RAB21: variants seen among roughly 807,000 people sequenced by gnomAD.
The protein encoded by RAB21 is RAB21, member RAS oncogene family.
A neutral mutation model predicts 33.1 loss-of-function variants in RAB21; 13 were observed. The ratio of observed to expected loss-of-function variants is 0.39; its 90% CI spans 0.26 to 0.62. The LOEUF is 0.62. Ranked by LOEUF, RAB21 falls within the 20% of genes least tolerant of loss-of-function variation. The probability of loss-of-function intolerance (pLI) is 0.48; values close to 1 mark genes in which losing one functional copy is unlikely to be tolerated. For synonymous variants in RAB21, 91 were observed against 103.7 expected, an observed-to-expected ratio of 0.88 and a Z score of 0.74; for missense variants, 234 against 279.1, an observed-to-expected ratio of 0.84 and a Z score of 1.15.
At chr12:71,769,982 G>T in intron 2 of RAB21, 123 bp downstream of exon 2, 2 of 445,874 alleles carry the variant, frequency 4.5e-6, no homozygotes, top group South Asian at 9.8e-5. Flanking sequence ...TTAAAATCTG[G>T]TTGAGAATTA....
At chr12:71,756,988 C>G (rs556308734) in intron 1 of RAB21, among the ~76,000 whole-genome samples, 4 of 152,200 alleles carry the variant, frequency 2.6e-5, no homozygotes, top group Non-Finnish European at 5.9e-5. Context: ...AATTTGAACC[C>G]CTGTCTGACT....
rs1211705279 is a variant in RAB21 at position 71,798,035 on chromosome 12, A to G, written c.*12362A>G. 6 of 152,232 alleles carry G rather than the reference A, an allele frequency of 3.9e-5. No homozygotes were observed. The highest frequency in any genetic ancestry group is 8.8e-5 in the Non-Finnish European group (6 of 68,044). The allele number at this position is 152,232 out of a possible 1,614,324, so 9.4% of individuals were successfully genotyped here. ...CTGAATTTGATATAAAATTTGGAAT[A>G]GAATTTACAATAAGAAATGATAATG... On this transcript the variant is annotated 3_prime_UTR_variant, in exon 7 of 7. Transcript: ENST00000261263.
chr12:71,757,586 T>G (rs906129484), intron 1 of RAB21, among the ~76,000 whole-genome samples: 4 of 152,236 alleles, frequency 2.6e-5, no homozygotes, highest in Non-Finnish European at 5.9e-5. Context: ...GAATTTAGGA[T>G]TTTGTTGTAC....
chr12:71,784,976 C>A (rs1265666428), intron 6 of RAB21, among the ~76,000 whole-genome samples: 2 of 151,682 alleles, frequency 1.3e-5, no homozygotes, highest in Non-Finnish European at 2.9e-5. Context: ...ACCTGTAATT[C>A]CAGCTACTCA....
At chr12:71,763,739 A>G (rs1882913547) in intron 1 of RAB21, among the ~76,000 whole-genome samples, 1 of 152,226 alleles carries the variant, frequency 6.6e-6, no homozygotes, top group Non-Finnish European at 1.5e-5. Context: ...GATCCTTGCT[A>G]GTAATACTTT....
chr12:71,770,081 G>C (rs1231996923), intron 2 of RAB21, among the ~76,000 whole-genome samples: 1 of 152,156 alleles, frequency 6.6e-6, no homozygotes, highest in African/African-American at 2.4e-5. Flanking sequence ...ACTTCAGAGA[G>C]AGGACAGGGT....
rs1437845456 is a variant in RAB21, at chr12:71,799,699, G to T, written c.*14026G>T. 1 of 152,118 alleles carries T rather than the reference G, an allele frequency of 6.6e-6. No homozygotes were observed. The highest frequency in any genetic ancestry group is 1.5e-5 in the Non-Finnish European group (1 of 68,002). 9.4% of individuals were successfully genotyped at this position (152,118 alleles called of 1,614,324 possible). A position where few individuals can be genotyped will look rare whatever the true frequency, so the allele number is the denominator to read the frequency against. ...CAGGAATATTAAGTTTTTAAAAAAA[G>T]CCAGGGCAGAACAGTCTGTATACTG... is the stretch of plus-strand genomic sequence containing the variant. On this transcript the variant is annotated 3_prime_UTR_variant, in exon 7 of 7. Coordinates refer to ENST00000261263, the MANE Select transcript of RAB21 (RefSeq NM_014999.4).
chr12:71,770,671 A>T lies in RAB21; in HGVS notation c.299A>T (p.Asp100Val). Reference protein sequence around the residue: ...RDSNGAILVYDITDEDSFQKV... With the variant: ...RDSNGAILVYVITDEDSFQKV... ...TCAAATGGAGCGATTTTAGTTTATG[A>T]CATAACAGATGAAGATTCTTTTCAG... The change falls in exon 3 of 7, where the codon GAC becomes GTC. Residue 100 changes from aspartate (D) to valine (V), a missense_variant. By Grantham distance (152) the Asp-to-Val change is radical. Coordinates refer to ENST00000261263, the MANE Select transcript of RAB21 (RefSeq NM_014999.4). 1 of 1,597,382 alleles carries T rather than the reference A, an allele frequency of 6.3e-7. No homozygotes were observed. Among genetic ancestry groups the T allele is most frequent in the Non-Finnish European group, 8.6e-7 (1 of 1,166,442 alleles).
chr12:71,781,910 T>C, intron 4 of RAB21, 121 bp from the exon 5 acceptor site: 1 of 687,878 alleles, frequency 1.5e-6, no homozygotes, highest in Non-Finnish European at 2.5e-6. Context: ...ATTAGAAGTC[T>C]GGTGGGGATT....
chr12:71,775,223 A>C (rs759370765), intron 4 of RAB21, among the ~76,000 whole-genome samples: 23 of 152,246 alleles, frequency 1.5e-4, no homozygotes, highest in Non-Finnish European at 1.5e-5. Context: ...GTACTCACAG[A>C]CATTATCTCA....
rs1351743510 is a variant in RAB21 at position 71,797,622 on chromosome 12, A to AG, written c.*11951dup. The AG allele has an allele frequency of 8.1e-6, 1 of 124,154 alleles. No homozygotes were observed. Among genetic ancestry groups the AG allele is most frequent in the Non-Finnish European group, 1.6e-5 (1 of 64,464 alleles). 7.7% of individuals were successfully genotyped at this position (124,154 alleles called of 1,614,324 possible). On this transcript the variant is annotated 3_prime_UTR_variant, in exon 7 of 7. Coordinates refer to ENST00000261263, the MANE Select transcript of RAB21 (RefSeq NM_014999.4). ...GATCGCTGATTCCAAAGTTTCTTTG[A>AG]GGAAAAAAAAAAAAAAAAGCAAGAC... is the stretch of plus-strand genomic sequence containing the variant.
At chr12:71,763,101 G>GCACA (rs66460518) in intron 1 of RAB21, among the ~76,000 whole-genome samples, 2,841 of 145,548 alleles carry the variant, frequency 0.02, 53 homozygotes, top group African/African-American at 0.044. Flanking sequence ...TATTTTGCAC[G>GCACA]CACACACACA....
chr12:71,767,681 G>A (rs1390042756), intron 1 of RAB21, among the ~76,000 whole-genome samples: 2 of 152,088 alleles, frequency 1.3e-5, no homozygotes, highest in African/African-American at 4.8e-5. Flanking sequence ...CATATAGACT[G>A]ACAAGGGCTT....
intron 4 of RAB21, among the ~76,000 whole-genome samples, chr12:71,774,697 C>T (rs1238948636): frequency 6.7e-6 from 1 of 149,922 alleles, no homozygotes; most frequent in Non-Finnish European, 1.5e-5. Context: ...GTGGAGGTTG[C>T]AGTGAGCCAA....
At chr12:71,777,553 A>G (rs1417522160) in intron 4 of RAB21, among the ~76,000 whole-genome samples, 1 of 152,188 alleles carries the variant, frequency 6.6e-6, no homozygotes, top group Non-Finnish European at 1.5e-5. Flanking sequence ...TAATACTACT[A>G]CTTCTCAGGG....
At chr12:71,763,971 C>T (rs976911686) in intron 1 of RAB21, among the ~76,000 whole-genome samples, 9 of 152,140 alleles carry the variant, frequency 5.9e-5, no homozygotes, top group African/African-American at 2.2e-4. Context: ...ATCAGGTTCA[C>T]AGCTGTAAAG....
chr12:71,784,985 C>T (rs750042795), intron 6 of RAB21, among the ~76,000 whole-genome samples: 4 of 151,704 alleles, frequency 2.6e-5, no homozygotes, highest in Non-Finnish European at 4.4e-5. Flanking sequence ...TCCAGCTACT[C>T]AGGGACTGAG....
At chr12:71,755,343 C>A in intron 1 of RAB21, 55 bp downstream of exon 1, 1 of 1,429,130 alleles carries the variant, frequency 7.0e-7, no homozygotes, top group South Asian at 1.5e-5. Context: ...CCCTCCGGGG[C>A]TGGGGAAACT....
intron 6 of RAB21, 78 bp downstream of exon 6, chr12:71,782,736 C>G (rs967801500): frequency 9.8e-5 from 89 of 904,442 alleles, no homozygotes; most frequent in Non-Finnish European, 1.3e-4. Context: ...TATTTTACAC[C>G]AGTGTTACTT....
Sources: allele counts gnomAD v4.1 joint callset (sites outside exome capture counted in the v4.1 genomes callset), GRCh38; gene constraint gnomAD v4.1.1; transcripts MANE v1.5; gene names NCBI Gene and HGNC (gene_info 2026-07-23, HGNC 2026-07-21).